Variants in NRG3 observed in about 807,000 individuals in gnomAD.
NRG3 encodes pro-neuregulin-3, membrane-bound isoform.
NRG3 carries 31 observed loss-of-function variants against 66.9 expected under a neutral mutation model. The observed-to-expected ratio is 0.46, with a 90% CI of 0.35 to 0.63. The LOEUF is 0.63. NRG3 is among the 20% of genes least tolerant of loss of function. The pLI, the probability that NRG3 is intolerant of heterozygous loss-of-function variation, is 0.00. For missense variants in NRG3, 910 were observed against 878.9 expected (o/e 1.04, Z -0.45); for synonymous variants, 393 against 359.4 (o/e 1.09, Z -1.06).
chr10:82,785,473 G>T (rs533722976), intron 3 of NRG3, among the ~76,000 whole-genome samples: 33 of 152,076 alleles, frequency 2.2e-4, no homozygotes, highest in African/African-American at 7.9e-4. Context: ...TCAGAGTATT[G>T]GTAGAAATTT....
At chr10:82,673,338 A>G (rs1341867589) in intron 2 of NRG3, among the ~76,000 whole-genome samples, 1 of 152,170 alleles carries the variant, frequency 6.6e-6, no homozygotes, top group Non-Finnish European at 1.5e-5. Context: ...TCAATGGTAA[A>G]TAGTAGAGGT....
At chr10:82,925,911 C>T (rs889709392) in intron 4 of NRG3, among the ~76,000 whole-genome samples, 10 of 152,282 alleles carry the variant, frequency 6.6e-5, no homozygotes, top group Middle Eastern at 3.4e-3. Context: ...CTAGCGATGG[C>T]AAGGCAAGCA....
Position 82,166,773 on chromosome 10 carries a change from G to A in NRG3, c.824-191966G>A, listed in dbSNP as rs776953083. 43 of 684,350 alleles carry A rather than the reference G, an allele frequency of 6.3e-5. No homozygotes were observed. The African/African-American group carries it at 7.0e-4, about 11-fold the overall frequency. The allele number at this position is 684,350 out of a possible 1,614,324, so 42.4% of individuals were successfully genotyped here. On this transcript the variant is annotated intron_variant, in intron 1 of 8. Coordinates refer to ENST00000372141, the MANE Select transcript of NRG3 (RefSeq NM_001010848.4). ...TATTTTCCTTCTGCCTGGAGGACTT[G>A]CTTTAACATTTCAAGTAGTGTGGGT...
At chr10:82,121,524 A>G (rs141127664) in intron 1 of NRG3, among the ~76,000 whole-genome samples, 332 of 152,198 alleles carry the variant, frequency 2.2e-3, no homozygotes, top group African/African-American at 7.6e-3. Context: ...TGCTTTCCTC[A>G]TTAGGATTGC....
intron 2 of NRG3, among the ~76,000 whole-genome samples, chr10:82,682,946 ATTTTTTTTTTT>A (rs71009814): frequency 1.3e-3 from 86 of 65,332 alleles, no homozygotes; most frequent in Non-Finnish European, 2.9e-4. Flanking sequence ...CCATGTCTTA[ATTTTTTTTTTT>A]TTTTTTTTTT....
intron 1 of NRG3, among the ~76,000 whole-genome samples, chr10:82,199,885 TGTGC>T (rs1364541935): frequency 0.026 from 2,434 of 92,226 alleles, 58 homozygotes; most frequent in African/African-American, 0.084. Context: ...TGTGTGTGTG[TGTGC>T]GTGTGTGTGT....
intron 2 of NRG3, among the ~76,000 whole-genome samples, chr10:82,546,079 AC>A (rs2043896244): frequency 6.6e-6 from 1 of 152,156 alleles, no homozygotes; most frequent in Non-Finnish European, 1.5e-5. Flanking sequence ...TATAATGTCA[AC>A]TTTTAAACTT....
At position 82,942,730 on chromosome 10, in the gene NRG3, G is replaced by A. The variant is rs75821752; in HGVS notation, c.1055-8739G>A. 8.2e-3 allele frequency among the ~76,000 whole-genome samples: 1,256 copies of A among 152,254 alleles called. 22 individuals carry two copies. Among genetic ancestry groups the A allele is most frequent in the African/African-American group, 0.029 (1,187 of 41,528 alleles). On this transcript the variant is annotated intron_variant, in intron 4 of 8. Coordinates refer to ENST00000372141, the MANE Select transcript of NRG3 (RefSeq NM_001010848.4). ...AGCAGAATGCATGGTTGTTGCATGCGTCTGTTTCACCACCAGCTGTAACTG... is the reference window on the plus strand; with the variant it reads ...AGCAGAATGCATGGTTGTTGCATGCATCTGTTTCACCACCAGCTGTAACTG...
At chr10:82,085,866 G>C (rs546378964) in intron 1 of NRG3, among the ~76,000 whole-genome samples, 1 of 152,080 alleles carries the variant, frequency 6.6e-6, no homozygotes, top group East Asian at 1.9e-4. Flanking sequence ...CTCGAACTCT[G>C]ACCTCAGGTG....
At chr10:82,803,785 A>T (rs1029993783) in intron 3 of NRG3, among the ~76,000 whole-genome samples, 1 of 150,222 alleles carries the variant, frequency 6.7e-6, no homozygotes, top group African/African-American at 2.5e-5. Context: ...GGAAAATTAA[A>T]TGAGATAATG....
chr10:82,780,475 C>CTTTTTTTTTTTT (rs1409952252), intron 3 of NRG3, among the ~76,000 whole-genome samples: 3 of 109,444 alleles, frequency 2.7e-5, no homozygotes, highest in African/African-American at 3.5e-5. Context: ...TTTTTTTTTT[C>CTTTTTTTTTTTT]TTTTCTTTTT....
chr10:82,713,523 C>T (rs2056799992), intron 2 of NRG3, among the ~76,000 whole-genome samples: 1 of 152,092 alleles, frequency 6.6e-6, no homozygotes, highest in African/African-American at 2.4e-5. Context: ...AAGATTGAAC[C>T]CCTTCAAGGA....
rs186190008 is a variant in NRG3 at position 82,463,838 on chromosome 10, T to C, written c.953+104970T>C. 4.2e-3 allele frequency among the ~76,000 whole-genome samples: 640 copies of C among 152,356 alleles called. 2 individuals are homozygous for C. Among genetic ancestry groups the C allele is most frequent in the Admixed American group, 7.7e-3 (118 of 15,308 alleles). Reference sequence around the variant, plus strand: ...AAGTTAGATTGTAATCGAAAGCAGGTGCTGTCATATCACTGCATGAATCTT... The same window carrying C: ...AAGTTAGATTGTAATCGAAAGCAGGCGCTGTCATATCACTGCATGAATCTT... On this transcript the variant is annotated intron_variant, in intron 2 of 8. Transcript: ENST00000372141.
At position 82,985,573 on chromosome 10, in the gene NRG3, G is replaced by T; in HGVS notation, c.2059G>T (p.Glu687Ter). 1 of 1,613,140 alleles carries T rather than the reference G, an allele frequency of 6.2e-7. No homozygotes were observed. Among genetic ancestry groups the T allele is most frequent in the East Asian group, 2.2e-5 (1 of 44,874 alleles). Residue 687 changes from glutamate to a stop codon, truncating the protein, a stop_gained, in exon 9 of 9, where the codon GAA (glutamate) becomes TAA (stop). Coordinates refer to ENST00000372141, the MANE Select transcript of NRG3 (RefSeq NM_001010848.4). LOFTEE classifies it high-confidence loss of function. Reference sequence around the variant, plus strand: ...AGAGGCGCAATTTGTCTTAAGAAATGAAATACAAAGAGACTCTGCATTGAC... The same window carrying T: ...AGAGGCGCAATTTGTCTTAAGAAATTAAATACAAAGAGACTCTGCATTGAC... ...EREAQFVLRN[E>*]IQRDSALTK
intron 2 of NRG3, among the ~76,000 whole-genome samples, chr10:82,648,144 C>T (rs1228603227): frequency 4.6e-5 from 7 of 151,992 alleles, no homozygotes; most frequent in East Asian, 3.9e-4. Flanking sequence ...TTAGGTCTAA[C>T]GTTTAAGTCT....
At chr10:82,174,095 C>T (rs574342928) in intron 1 of NRG3, among the ~76,000 whole-genome samples, 4 of 152,218 alleles carry the variant, frequency 2.6e-5, no homozygotes, top group African/African-American at 9.6e-5. Context: ...TTCAAAATTA[C>T]CCATGTGTGG....
intron 2 of NRG3, among the ~76,000 whole-genome samples, chr10:82,530,689 TAAAGG>T (rs1847159951): frequency 6.6e-6 from 1 of 151,830 alleles, no homozygotes; most frequent in Non-Finnish European, 1.5e-5. Context: ...CCTGCAAAAA[TAAAGG>T]AAAGACTGAA....
Position 82,666,944 on chromosome 10 carries a change from A to G in NRG3, c.954-71633A>G, listed in dbSNP as rs189646545. ...ACAGAGTGTAGTAGGGTACTTGCAC[A>G]TCGTCTAGAAACTTTAATGCAACAG... On this transcript the variant is annotated intron_variant, in intron 2 of 8. Coordinates refer to ENST00000372141, the MANE Select transcript of NRG3 (RefSeq NM_001010848.4). Among the ~76,000 whole-genome samples, 417 of 152,332 alleles carry G rather than the reference A, an allele frequency of 2.7e-3. 2 individuals are homozygous for G. Among genetic ancestry groups the G allele is most frequent in the African/African-American group, 8.5e-3 (355 of 41,568 alleles).
intron 1 of NRG3, among the ~76,000 whole-genome samples, chr10:81,934,172 G>A (rs1355099705): frequency 2.0e-5 from 3 of 152,068 alleles, no homozygotes; most frequent in East Asian, 1.9e-4. Context: ...ATCCAGTTTC[G>A]GCAGGTACTA....
Sources: gnomAD v4.1 joint callset for allele counts (sites outside exome capture counted in the v4.1 genomes callset) on GRCh38, gnomAD v4.1.1 for gene constraint, MANE v1.5 for transcripts, NCBI Gene and HGNC (gene_info 2026-07-23, HGNC 2026-07-21) for gene names.